Variants in DCUN1D5 observed in about 807,000 individuals in gnomAD.
The protein encoded by DCUN1D5 is defective in cullin neddylation 1 domain containing 5, also known as DCN1-like protein 5.
In DCUN1D5, 10 loss-of-function variants were observed where a neutral mutation model predicts 38.3. The ratio of observed to expected loss-of-function variants is 0.26; its 90% CI spans 0.16 to 0.44. The LOEUF is 0.44. DCUN1D5 is among the 20% of genes least tolerant of loss of function. The pLI is 1.00. For missense variants in DCUN1D5, 148 were observed against 275.3 expected (o/e 0.54, Z 3.27); for synonymous variants, 93 against 90.9 (o/e 1.02, Z -0.13).
chr11:103,064,724 T>C lies in DCUN1D5; in HGVS notation c.556-347A>G, dbSNP rs1280112717. 1.3e-5 allele frequency among the ~76,000 whole-genome samples: 2 copies of C among 152,172 alleles called. No homozygotes were observed. Among genetic ancestry groups the C allele is most frequent in the Non-Finnish European group, 2.9e-5 (2 of 68,004 alleles). ...TTCTATTGTGCTGCTTCCTAGTAAA[T>C]CATTTCTTTGCTCAAGATTTACTGT... On this transcript the variant is annotated intron_variant, in intron 6 of 7. Coordinates refer to ENST00000260247, the MANE Select transcript of DCUN1D5 (RefSeq NM_032299.4). This position sits in a 1 kb window ranked among gnomAD's most constrained non-coding sequence, Gnocchi z 4.5.
Position 103,070,619 on chromosome 11 carries a change from C to A in DCUN1D5, c.342-4052G>T, listed in dbSNP as rs1862248601. Among the ~76,000 whole-genome samples, 3 of 152,172 alleles carry A rather than the reference C, an allele frequency of 2.0e-5. No individual in the cohort carries two copies. The South Asian group carries it at 6.2e-4, about 32-fold the overall frequency. ...GTAGCACTGAAAAGAGAAATAAATT[C>A]ATAATTATAGTTGGATATTTCACCA... On this transcript the variant is annotated intron_variant, in intron 4 of 7. Coordinates refer to ENST00000260247, the MANE Select transcript of DCUN1D5 (RefSeq NM_032299.4).
chr11:103,065,191 A>G lies in DCUN1D5; in HGVS notation c.556-814T>C, dbSNP rs1250928027. On this transcript the variant is annotated intron_variant, in intron 6 of 7. Coordinates refer to ENST00000260247, the MANE Select transcript of DCUN1D5 (RefSeq NM_032299.4). The surrounding 1 kb of genome is among the most constrained non-coding windows in gnomAD (Gnocchi z 4.6). ...TTCTGAGACAGAGTCTCGTTCTGTC[A>G]CCCAGGCTGGAGTGTAGTGGTGCAA... Among the ~76,000 whole-genome samples, 1 of 150,188 alleles carries G rather than the reference A, an allele frequency of 6.7e-6. No individual in the cohort carries two copies. Among genetic ancestry groups the G allele is most frequent in the African/African-American group, 2.5e-5 (1 of 40,698 alleles).
In DCUN1D5 at chr11:103,082,789, A is replaced by G; in HGVS notation, c.300T>C (p.Phe100=). ...CCTTTAACCATTCTTCCTTGGTAAA[A>G]AATCCCATGCTTTCAGCCTCCAATT... ...AWKLEAESMG[F]FTKEEWLKGM... The change falls in exon 4 of 8, where the codon TTT becomes TTC. Residue 100 remains phenylalanine (F), a synonymous_variant. Transcript: ENST00000260247. 6.2e-7 allele frequency: 1 copy of G among 1,613,210 alleles called. No homozygotes were observed. Among genetic ancestry groups the G allele is most frequent in the Non-Finnish European group, 8.5e-7 (1 of 1,179,416 alleles).
At chr11:103,076,001 A>C (rs1862398987) in intron 4 of DCUN1D5, among the ~76,000 whole-genome samples, 2 of 152,228 alleles carry the variant, frequency 1.3e-5, no homozygotes, top group African/African-American at 4.8e-5. Flanking sequence ...ATTACATGCC[A>C]CTATAATGTT....
chr11:103,077,051 T>A lies in DCUN1D5; in HGVS notation c.341+5697A>T, dbSNP rs900581799. ...GTCTCTACTAAAAATACAAAAAAAA[T>A]TAGCTGGGTGTGGTGGCGGGTGCCT... On this transcript the variant is annotated intron_variant, in intron 4 of 7. Transcript: ENST00000260247. The surrounding 1 kb of genome is among the most constrained non-coding windows in gnomAD (Gnocchi z 4.3). 6.6e-6 allele frequency among the ~76,000 whole-genome samples: 1 copy of A among 151,920 alleles called. No individual in the cohort carries two copies. The highest frequency in any genetic ancestry group is 2.4e-5 in the African/African-American group (1 of 41,364).
At chr11:103,068,160 T>C (rs954491997) in intron 4 of DCUN1D5, among the ~76,000 whole-genome samples, 6 of 152,176 alleles carry the variant, frequency 3.9e-5, no homozygotes. Flanking sequence ...TAGCATTATC[T>C]TCATCCCTTT....
chr11:103,064,108 C>T lies in DCUN1D5; in HGVS notation c.658+167G>A, dbSNP rs541300287. ...TTACCAGCATAGATTTTATATAATA[C>T]TGCTGAATCTAAGCTCTCTCTCTAC... On this transcript the variant is annotated intron_variant, in intron 7 of 7. Coordinates refer to ENST00000260247, the MANE Select transcript of DCUN1D5 (RefSeq NM_032299.4). The surrounding 1 kb of genome is among the most constrained non-coding windows in gnomAD (Gnocchi z 4.5). 3.8e-4 allele frequency among the ~76,000 whole-genome samples: 58 copies of T among 152,236 alleles called. No homozygotes were observed. Among genetic ancestry groups the T allele is most frequent in the African/African-American group, 1.4e-3 (58 of 41,556 alleles).
At position 103,050,777 on chromosome 11, in the gene DCUN1D5, T is replaced by C. The variant is rs2134580674; in HGVS notation, c.*11582A>G. 6.6e-6 allele frequency: 1 copy of C among 152,322 alleles called. No individual in the cohort carries two copies. The highest frequency in any genetic ancestry group is 2.1e-4 in the South Asian group (1 of 4,826). 9.4% of individuals were successfully genotyped at this position (152,322 alleles called of 1,614,324 possible). On this transcript the variant is annotated 3_prime_UTR_variant, in exon 8 of 8. Transcript: ENST00000260247. Reference sequence around the variant, plus strand: ...CTATACTGTGGATAGTTCTGAGTACTGGTGAAATAAAAGCAAAAACACACA... The same window carrying C: ...CTATACTGTGGATAGTTCTGAGTACCGGTGAAATAAAAGCAAAAACACACA...
chr11:103,068,358 A>G (rs1001137128), intron 4 of DCUN1D5, among the ~76,000 whole-genome samples: 18 of 152,162 alleles, frequency 1.2e-4, no homozygotes, highest in African/African-American at 4.3e-4. Context: ...AAATCATCCT[A>G]CCATAAAGAT....
In DCUN1D5 at chr11:103,083,947, C is replaced by T. The variant is rs1862632916; in HGVS notation, c.179-621G>A. ...AAACAGACAGCAAGCATTGATGTCA[C>T]CTTAATGTAGAAACAGAAGTTTAAT... On this transcript the variant is annotated intron_variant, in intron 2 of 7. Coordinates refer to ENST00000260247, the MANE Select transcript of DCUN1D5 (RefSeq NM_032299.4). The surrounding 1 kb of genome is among the most constrained non-coding windows in gnomAD (Gnocchi z 4.4). Among the ~76,000 whole-genome samples, 1 of 152,090 alleles carries T rather than the reference C, an allele frequency of 6.6e-6. No individual in the cohort carries two copies. Among genetic ancestry groups the T allele is most frequent in the African/African-American group, 2.4e-5 (1 of 41,424 alleles).
Position 103,077,005 on chromosome 11 carries a change from C to T in DCUN1D5, c.341+5743G>A, listed in dbSNP as rs572152624. ...CGAGGTCAGGAGATCAAGACCATCC[C>T]GGCTAACATGGTGAAACCCCGTCTC... On this transcript the variant is annotated intron_variant, in intron 4 of 7. Coordinates refer to ENST00000260247, the MANE Select transcript of DCUN1D5 (RefSeq NM_032299.4). This position sits in a 1 kb window ranked among gnomAD's most constrained non-coding sequence, Gnocchi z 4.3. Among the ~76,000 whole-genome samples the T allele has an allele frequency of 1.8e-4, 27 of 152,042 alleles. 1 individual carries two copies. In the South Asian group the frequency reaches 5.4e-3, roughly 30 times the overall value.
At chr11:103,072,346 AGAT>A (rs1862295544) in intron 4 of DCUN1D5, among the ~76,000 whole-genome samples, 1 of 151,574 alleles carries the variant, frequency 6.6e-6, no homozygotes, top group Non-Finnish European at 1.5e-5. Flanking sequence ...AACTAGATCT[AGAT>A]CTAGATCTAG....
chr11:103,083,503 G>C lies in DCUN1D5; in HGVS notation c.179-177C>G, dbSNP rs772275004. Among the ~76,000 whole-genome samples, 5 of 151,906 alleles carry C rather than the reference G, an allele frequency of 3.3e-5. No individual in the cohort carries two copies. Among genetic ancestry groups the C allele is most frequent in the Non-Finnish European group, 7.4e-5 (5 of 67,920 alleles). On this transcript the variant is annotated intron_variant, in intron 2 of 7. Coordinates refer to ENST00000260247, the MANE Select transcript of DCUN1D5 (RefSeq NM_032299.4). The surrounding 1 kb of genome is among the most constrained non-coding windows in gnomAD (Gnocchi z 4.4). ...ACAGGATTTAAAATTTAAAATTTGTGAAGTATTCTTTGAACACCAGATTAC... is the reference window on the plus strand; with the variant it reads ...ACAGGATTTAAAATTTAAAATTTGTCAAGTATTCTTTGAACACCAGATTAC...
rs1861735191 is a variant in DCUN1D5 at position 103,051,510 on chromosome 11, C to CCCG, written c.*10848_*10849insCGG. The CCCG allele has an allele frequency of 7.4e-6, 1 of 135,188 alleles. No individual in the cohort carries two copies. Among genetic ancestry groups the CCCG allele is most frequent in the Admixed American group, 7.3e-5 (1 of 13,652 alleles). The allele number at this position is 135,188 out of a possible 1,614,324, so 8.4% of individuals were successfully genotyped here. A position where few individuals can be genotyped will look rare whatever the true frequency, so the allele number is the denominator to read the frequency against. ...GCTTCACATATTTACTTCCCCCCCC[C>CCCG]CCCCGCCACCCCTGTGTTAACAGGT... On this transcript the variant is annotated 3_prime_UTR_variant, in exon 8 of 8. Coordinates refer to ENST00000260247, the MANE Select transcript of DCUN1D5 (RefSeq NM_032299.4).
At position 103,059,064 on chromosome 11, in the gene DCUN1D5, AGAGATG is replaced by A. The variant is rs1861947103; in HGVS notation, c.*3289_*3294del. On this transcript the variant is annotated 3_prime_UTR_variant, in exon 8 of 8. Coordinates refer to ENST00000260247, the MANE Select transcript of DCUN1D5 (RefSeq NM_032299.4). ...TTGAAGGCCAGAACAAAGTTTTATC[AGAGATG>A]AATTATCACAATAGTTTTAAGTACA... Among the ~76,000 whole-genome samples, 1 of 152,164 alleles carries A rather than the reference AGAGATG, an allele frequency of 6.6e-6. No homozygotes were observed. The highest frequency in any genetic ancestry group is 6.6e-5 in the Admixed American group (1 of 15,256).
At position 103,054,704 on chromosome 11, in the gene DCUN1D5, G is replaced by GCTCACGCCTGTAA. The variant is rs1861829554; in HGVS notation, c.*7654_*7655insTTACAGGCGTGAG. 1 of 151,948 alleles carries GCTCACGCCTGTAA rather than the reference G, an allele frequency of 6.6e-6. No individual in the cohort carries two copies. Among genetic ancestry groups the GCTCACGCCTGTAA allele is most frequent in the Middle Eastern group, 3.2e-3 (1 of 316 alleles). The allele number at this position is 151,948 out of a possible 1,614,324, so 9.4% of individuals were successfully genotyped here. ...ACTGGCTTTAATATTCATATATGTG[G>GCTCACGCCTGTAA]TGGAAGACCCTCTATATCAAATCTG... On this transcript the variant is annotated 3_prime_UTR_variant, in exon 8 of 8. Transcript: ENST00000260247.
At chr11:103,088,670 G>A (rs1862775919) in intron 2 of DCUN1D5, among the ~76,000 whole-genome samples, 1 of 151,852 alleles carries the variant, frequency 6.6e-6, no homozygotes, top group Non-Finnish European at 1.5e-5. Context: ...TTATCACACT[G>A]TATTAATATC....
chr11:103,068,694 G>C (rs1862196799), intron 4 of DCUN1D5, among the ~76,000 whole-genome samples: 1 of 152,048 alleles, frequency 6.6e-6, no homozygotes, highest in African/African-American at 2.4e-5. Context: ...AAGGTGGAGG[G>C]TGGGAGAAGA....
chr11:103,082,567 T>C (rs1022008903), intron 4 of DCUN1D5, among the ~76,000 whole-genome samples, 181 bp downstream of exon 4: 1 of 152,016 alleles, frequency 6.6e-6, no homozygotes, highest in Admixed American at 6.6e-5. Flanking sequence ...ATATAAAACA[T>C]GGGGTACCTA....
Sources: gnomAD v4.1 joint callset for allele counts (sites outside exome capture counted in the v4.1 genomes callset) on GRCh38, gnomAD v4.1.1 for gene constraint, Gnocchi (gnomAD v3.1) non-coding constraint, MANE v1.5 for transcripts, NCBI Gene and HGNC (gene_info 2026-07-23, HGNC 2026-07-21) for gene names.